Variants in SNX27 observed in about 807,000 individuals in gnomAD.
The protein encoded by SNX27 is sorting nexin-27.
Under a neutral mutation model 71.6 loss-of-function variants are expected in SNX27, and 22 were observed. The observed-to-expected ratio is 0.31, with a 90% CI of 0.22 to 0.44. The LOEUF (loss-of-function observed/expected upper bound fraction) is 0.44, where lower values mean the gene tolerates loss of function less well. Among genes scored for constraint, SNX27 ranks in the 20% least tolerant of loss-of-function variants. SNX27 has a pLI of 1.00. For missense variants in SNX27, 531 were observed against 698.6 expected, an observed-to-expected ratio of 0.76 and a Z score of 2.70; for synonymous variants, 269 against 277.2, an observed-to-expected ratio of 0.97 and a Z score of 0.29.
chr1:151,631,390 T>C (rs1009712143), intron 1 of SNX27, among the ~76,000 whole-genome samples: 1 of 152,230 alleles, frequency 6.6e-6, no homozygotes, highest in African/African-American at 2.4e-5. Context: ...ATATAATAGC[T>C]GTGTTAAAGT....
chr1:151,665,869 G>C, intron 5 of SNX27, 64 bp from the exon 6 acceptor site: 3 of 1,389,380 alleles, frequency 2.2e-6, no homozygotes, highest in Admixed American at 1.8e-5. Context: ...ACATACACCT[G>C]CTTTTTCCTA....
intron 5 of SNX27, among the ~76,000 whole-genome samples, chr1:151,663,578 C>A (rs1299663089): frequency 1.1e-4 from 16 of 151,902 alleles, no homozygotes; most frequent in Non-Finnish European, 7.4e-5. Context: ...CTGAATATAT[C>A]TGTTTGTTTT....
intron 7 of SNX27, among the ~76,000 whole-genome samples, chr1:151,673,999 G>C (rs538664501): frequency 1.4e-4 from 21 of 152,022 alleles, no homozygotes; most frequent in Non-Finnish European, 2.4e-4. Context: ...TTCAGCCACT[G>C]TATGTCTGTT....
Position 151,651,624 on chromosome 1 carries a change from T to C in SNX27, c.544-6611T>C, listed in dbSNP as rs1669384417. ...AGACGGGGCGGCGGGGCAGAGGCGC[T>C]CCCCACATCTCAGACGATGGGTGGC... is the stretch of plus-strand genomic sequence containing the variant. On this transcript the variant is annotated intron_variant, in intron 2 of 11. Transcript: ENST00000458013. 5.4e-5 allele frequency among the ~76,000 whole-genome samples: 8 copies of C among 148,266 alleles called. No individual in the cohort carries two copies. In the South Asian group the frequency reaches 1.7e-3, roughly 32 times the overall value.
chr1:151,656,343 C>T (rs1669692992), intron 2 of SNX27, among the ~76,000 whole-genome samples: 1 of 151,364 alleles, frequency 6.6e-6, no homozygotes, highest in Non-Finnish European at 1.5e-5. Flanking sequence ...ATAAGAAAAG[C>T]CAAAAAACTT....
At chr1:151,690,376 T>G (rs1424093887) in intron 8 of SNX27, among the ~76,000 whole-genome samples, 2 of 152,096 alleles carry the variant, frequency 1.3e-5, no homozygotes, top group Non-Finnish European at 1.5e-5. Flanking sequence ...CTTTAAAAGT[T>G]TTTTTTTAGC....
chr1:151,671,584 G>A (rs1327165071), intron 7 of SNX27, among the ~76,000 whole-genome samples: 1 of 151,734 alleles, frequency 6.6e-6, no homozygotes, highest in Non-Finnish European at 1.5e-5. Context: ...TGGGTCTTTG[G>A]TGGTTCCATA....
intron 2 of SNX27, among the ~76,000 whole-genome samples, chr1:151,653,557 C>T (rs1669535240): frequency 6.6e-6 from 1 of 152,154 alleles, no homozygotes; most frequent in South Asian, 2.1e-4. Flanking sequence ...CTCCTTCTAT[C>T]ACTCAGACTG....
At chr1:151,669,531 T>C (rs573207985) in intron 7 of SNX27, among the ~76,000 whole-genome samples, 1 of 152,208 alleles carries the variant, frequency 6.6e-6, no homozygotes, top group Non-Finnish European at 1.5e-5. Context: ...ATTTCCACTT[T>C]CTGAAGAAAT....
chr1:151,696,651 GTTTTTT>G lies in SNX27; in HGVS notation c.*2247_*2252del, dbSNP rs5777782. On this transcript the variant is annotated 3_prime_UTR_variant, in exon 12 of 12. Coordinates refer to ENST00000458013, the MANE Select transcript of SNX27 (RefSeq NM_001330723.2). ...CCCCTTCCTTCCTTCCTTTTTTTCT[GTTTTTT>G]TTTTTTTTTTTTCCCAGAGTCTTGC... The G allele has an allele frequency of 1.3e-4, 15 of 113,662 alleles. No homozygotes were observed. Among genetic ancestry groups the G allele is most frequent in the African/African-American group, 3.2e-4 (9 of 27,886 alleles). The allele number at this position is 113,662 out of a possible 1,614,324, so 7.0% of individuals were successfully genotyped here.
chr1:151,632,715 TA>T (rs1668296933), intron 1 of SNX27, among the ~76,000 whole-genome samples: 15 of 152,196 alleles, frequency 9.9e-5, no homozygotes, highest in Admixed American at 9.8e-4. Context: ...CAGATTCATC[TA>T]CTAGATATTT....
intron 2 of SNX27, among the ~76,000 whole-genome samples, chr1:151,645,222 A>G (rs1668980975): frequency 6.6e-6 from 1 of 152,176 alleles, no homozygotes; most frequent in Non-Finnish European, 1.5e-5. Context: ...TCAATTGACT[A>G]TGTGTGGTTC....
At chr1:151,659,426 T>C (rs929314006) in intron 3 of SNX27, among the ~76,000 whole-genome samples, 1 of 152,124 alleles carries the variant, frequency 6.6e-6, no homozygotes, top group African/African-American at 2.4e-5. Flanking sequence ...TTTGTATTTT[T>C]AGTAGAGACG....
chr1:151,681,318 T>A (rs1670944357), intron 7 of SNX27, among the ~76,000 whole-genome samples: 1 of 144,048 alleles, frequency 6.9e-6, no homozygotes, highest in Non-Finnish European at 1.5e-5. Flanking sequence ...CTCGGCTCAC[T>A]GCAAGTTCCG....
At chr1:151,668,375 G>A (rs1670306719) in intron 6 of SNX27, 97 bp from the exon 7 acceptor site, 1 of 1,141,098 alleles carries the variant, frequency 8.8e-7, no homozygotes, top group Admixed American at 2.6e-5. Context: ...TCTGGTTAAT[G>A]ATAACATACC....
chr1:151,612,122 C>G lies in SNX27; in HGVS notation c.-80C>G, dbSNP rs1453282969. 7.9e-7 allele frequency: 1 copy of G among 1,266,760 alleles called. No individual in the cohort carries two copies. The highest frequency in any genetic ancestry group is 1.0e-6 in the Non-Finnish European group (1 of 1,001,488). The allele number at this position is 1,266,760 out of a possible 1,614,324, so 78.5% of individuals were successfully genotyped here. A position where few individuals can be genotyped will look rare whatever the true frequency, so the allele number is the denominator to read the frequency against. On this transcript the variant is annotated 5_prime_UTR_variant, in exon 1 of 12. Coordinates refer to ENST00000458013, the MANE Select transcript of SNX27 (RefSeq NM_001330723.2). This position sits in a 1 kb window ranked among gnomAD's most constrained non-coding sequence, Gnocchi z 5.2. ...ATCGGGCGCGCGCGTCGGGGGTCGTCCGGCTGCCAGGCAGGGCGAGCACGC... is the reference window on the plus strand; with the variant it reads ...ATCGGGCGCGCGCGTCGGGGGTCGTGCGGCTGCCAGGCAGGGCGAGCACGC...
chr1:151,614,672 A>T (rs1667350332), intron 1 of SNX27, among the ~76,000 whole-genome samples: 1 of 152,174 alleles, frequency 6.6e-6, no homozygotes. Flanking sequence ...TTTGTGGCTG[A>T]TGTTTTCTTC....
chr1:151,655,203 T>G (rs1179124459), intron 2 of SNX27, among the ~76,000 whole-genome samples: 1 of 152,148 alleles, frequency 6.6e-6, no homozygotes, highest in Non-Finnish European at 1.5e-5. Flanking sequence ...TAGTTTAGAG[T>G]ACCTTTTACT....
At chr1:151,621,373 G>A (rs1156629266) in intron 1 of SNX27, among the ~76,000 whole-genome samples, 1 of 152,172 alleles carries the variant, frequency 6.6e-6, no homozygotes, top group Non-Finnish European at 1.5e-5. Flanking sequence ...TTGTATTTGA[G>A]TACTCTTATG....
Sources: allele counts gnomAD v4.1 joint callset (sites outside exome capture counted in the v4.1 genomes callset), GRCh38; gene constraint gnomAD v4.1.1; non-coding constraint Gnocchi (gnomAD v3.1); transcripts MANE v1.5; gene names NCBI Gene and HGNC (gene_info 2026-07-23, HGNC 2026-07-21).